The following RABGAP1L variants were observed in gnomAD, a reference collection of about 807,000 sequenced individuals.
The protein encoded by RABGAP1L is RAB GTPase activating protein 1 like.
RABGAP1L carries 63 observed loss-of-function variants against 137.7 expected under a neutral mutation model. The observed-to-expected ratio is 0.46, with a 90% confidence interval of 0.37 to 0.56. The LOEUF is 0.56. RABGAP1L is among the 20% of genes least tolerant of loss of function. The pLI is 0.00. For missense variants in RABGAP1L, 1,095 were observed against 1,244.0 expected (o/e 0.88, Z 1.80); for synonymous variants, 431 against 433.7 (o/e 0.99, Z 0.08).
intron 12 of RABGAP1L, among the ~76,000 whole-genome samples, chr1:174,375,816 G>C (rs1685479934): frequency 6.6e-6 from 1 of 152,092 alleles, no homozygotes; most frequent in Non-Finnish European, 1.5e-5. Context: ...TGTAATCCCA[G>C]CACTTCAGGA....
intron 11 of RABGAP1L, among the ~76,000 whole-genome samples, chr1:174,308,125 C>T (rs1678474862): frequency 6.6e-6 from 1 of 151,884 alleles, no homozygotes; most frequent in African/African-American, 2.4e-5. Context: ...TGAGAAATGT[C>T]TATTTAGGTC....
At chr1:174,837,498 C>T (rs1353538539) in intron 19 of RABGAP1L, among the ~76,000 whole-genome samples, 1 of 152,188 alleles carries the variant, frequency 6.6e-6, no homozygotes, top group Admixed American at 6.5e-5. Flanking sequence ...AAATCTCACA[C>T]ACAGGGACAG....
At chr1:174,861,074 C>A (rs1650181507) in intron 19 of RABGAP1L, among the ~76,000 whole-genome samples, 1 of 152,196 alleles carries the variant, frequency 6.6e-6, no homozygotes, top group African/African-American at 2.4e-5. Flanking sequence ...GAAATTTGGG[C>A]CCTTTGAGCA....
chr1:174,964,839 G>A (rs1669473064), intron 20 of RABGAP1L: 1 of 1,410,426 alleles, frequency 7.1e-7, no homozygotes, highest in Non-Finnish European at 9.2e-7. Context: ...CAAAGGAAAA[G>A]CAAAAGAGCA....
chr1:174,384,661 G>T (rs1686590246), intron 12 of RABGAP1L, among the ~76,000 whole-genome samples: 1 of 151,918 alleles, frequency 6.6e-6, no homozygotes, highest in Non-Finnish European at 1.5e-5. Flanking sequence ...TTTATTATAG[G>T]TAACTCTGTC....
chr1:174,646,850 A>C (rs921054987), intron 14 of RABGAP1L, among the ~76,000 whole-genome samples: 1 of 152,138 alleles, frequency 6.6e-6, no homozygotes, highest in African/African-American at 2.4e-5. Context: ...TGAGCATGGA[A>C]TGTTTTTCCA....
At chr1:174,383,663 G>A (rs1354170804) in intron 12 of RABGAP1L, among the ~76,000 whole-genome samples, 12 of 151,762 alleles carry the variant, frequency 7.9e-5, no homozygotes, top group Middle Eastern at 3.4e-3. Flanking sequence ...CACGGTGCGC[G>A]CACCCACTGG....
intron 13 of RABGAP1L, among the ~76,000 whole-genome samples, chr1:174,613,547 G>A (rs1029057075): frequency 2.0e-5 from 3 of 152,288 alleles, no homozygotes; most frequent in East Asian, 3.9e-4. Context: ...ATTTGGGGTG[G>A]AGAGTTCTGC....
chr1:174,720,182 A>G (rs1681382772), intron 17 of RABGAP1L, among the ~76,000 whole-genome samples: 1 of 152,194 alleles, frequency 6.6e-6, no homozygotes, highest in Non-Finnish European at 1.5e-5. Context: ...AAGACAATTT[A>G]GTAAGGAATG....
chr1:174,857,306 AT>A (rs1558155768), intron 19 of RABGAP1L, among the ~76,000 whole-genome samples: 1 of 152,204 alleles, frequency 6.6e-6, no homozygotes, highest in African/African-American at 2.4e-5. Context: ...TGCACACACC[AT>A]TAGAGACATT....
intron 1 of RABGAP1L, among the ~76,000 whole-genome samples, chr1:174,175,553 G>A (rs1447890056): frequency 2.0e-5 from 3 of 147,724 alleles, no homozygotes; most frequent in Non-Finnish European, 3.0e-5. Flanking sequence ...TCTGCCTGCT[G>A]GGCTCAAGCA....
At chr1:174,550,983 C>CATATATATATACATATGTAT (rs1422356201) in intron 13 of RABGAP1L, among the ~76,000 whole-genome samples, 1 of 83,426 alleles carries the variant, frequency 1.2e-5, no homozygotes, top group African/African-American at 9.8e-5. Context: ...TGTATATATA[C>CATATATATATACATATGTAT]ATATATATAT....
intron 13 of RABGAP1L, among the ~76,000 whole-genome samples, chr1:174,473,306 C>A (rs948724340): frequency 5.9e-5 from 9 of 152,160 alleles, no homozygotes; most frequent in Non-Finnish European, 1.2e-4. Flanking sequence ...TGCTGGTGTG[C>A]AGAATTCCTC....
intron 20 of RABGAP1L, among the ~76,000 whole-genome samples, chr1:174,960,114 A>G (rs993137872): frequency 6.6e-6 from 1 of 152,176 alleles, no homozygotes; most frequent in African/African-American, 2.4e-5. Flanking sequence ...TAGAATCTAT[A>G]TTGCTTAAAA....
intron 19 of RABGAP1L, among the ~76,000 whole-genome samples, chr1:174,915,723 G>A (rs998029052): frequency 6.6e-6 from 1 of 152,174 alleles, no homozygotes; most frequent in Non-Finnish European, 1.5e-5. Flanking sequence ...CCAAAGTGCT[G>A]GGATTATAGG....
chr1:174,230,178 A>G (rs909835085), intron 3 of RABGAP1L, among the ~76,000 whole-genome samples: 3 of 146,596 alleles, frequency 2.0e-5, no homozygotes, highest in Non-Finnish European at 1.5e-5. Context: ...GTTCTCACTC[A>G]TAGGTGGGAA....
chr1:174,495,346 C>T (rs1242484783), intron 13 of RABGAP1L, among the ~76,000 whole-genome samples: 3 of 152,042 alleles, frequency 2.0e-5, no homozygotes, highest in Non-Finnish European at 4.4e-5. Flanking sequence ...CCAAGTTTTC[C>T]CTTGCTCCTC....
At chr1:174,567,310 A>G (rs1436061840) in intron 13 of RABGAP1L, among the ~76,000 whole-genome samples, 1 of 152,128 alleles carries the variant, frequency 6.6e-6, no homozygotes, top group Non-Finnish European at 1.5e-5. Flanking sequence ...ACTAAGCATA[A>G]TGTTTTCCAG....
chr1:174,160,147 GCTCGGCTC>G (rs1197249092), intron 1 of RABGAP1L: 1 of 152,902 alleles, frequency 6.5e-6, no homozygotes, highest in East Asian at 1.9e-4. Context: ...CGAGCACTTT[GCTCGGCTC>G]CTGCTGTTGA....
Sources: gnomAD v4.1 joint callset for allele counts (sites outside exome capture counted in the v4.1 genomes callset) on GRCh38, gnomAD v4.1.1 for gene constraint, MANE v1.5 for transcripts, NCBI Gene and HGNC (gene_info 2026-07-23, HGNC 2026-07-21) for gene names.